The following USH1C variants were observed in gnomAD, a reference collection of about 807,000 sequenced individuals.
USH1C encodes the protein USH1 protein network component harmonin.
USH1C carries 90 observed loss-of-function variants against 119.3 expected under a neutral mutation model. The observed-to-expected ratio is 0.75, with a 90% CI of 0.64 to 0.90. USH1C has a LOEUF of 0.90. Among genes scored for constraint, USH1C ranks in the 40% least tolerant of loss-of-function variants. USH1C has a pLI of 0.00. For missense variants in USH1C, 1,165 were observed against 1,167.7 expected, an observed-to-expected ratio of 1.00 and a Z score of 0.03; for synonymous variants, 465 against 443.3, an observed-to-expected ratio of 1.05 and a Z score of -0.62.
At chr11:17,500,902 G>A (rs1849410868) in intron 23 of USH1C, 149 bp downstream of exon 23, 2 of 721,840 alleles carry the variant, frequency 2.8e-6, no homozygotes, top group East Asian at 2.7e-5. Context: ...CCAGGGATTG[G>A]ACAGGCAGTC....
In USH1C at chr11:17,509,714, T is replaced by A. The variant is rs1409646156; in HGVS notation, c.1655A>T (p.Tyr552Phe). 6.3e-7 allele frequency: 1 copy of A among 1,599,928 alleles called. No homozygotes were observed. Among genetic ancestry groups the A allele is most frequent in the Non-Finnish European group, 8.5e-7 (1 of 1,179,318 alleles). ...GGCAGAGGGAGTCTTGGGGGGATAG[T>A]AGAACATGTCCAAAGGGATGTCGTC... is the stretch of plus-strand genomic sequence containing the variant. ...DLDDIPLDMF[Y>F]YPPKTPSALP... Residue 552 changes from tyrosine (Y) to phenylalanine (F), a missense_variant, in exon 18 of 27, where the codon TAC (tyrosine) becomes TTC (phenylalanine). By Grantham distance (22) the Tyr-to-Phe change is conservative. Coordinates refer to ENST00000005226, the MANE Select transcript of USH1C (RefSeq NM_153676.4).
rs112069683 is a variant in USH1C, at chr11:17,530,981, G to A, written c.387+173C>T. On this transcript the variant is annotated intron_variant, in intron 4 of 26. Coordinates refer to ENST00000005226, the MANE Select transcript of USH1C (RefSeq NM_153676.4). ...CTCAAGAAAACAGGCAATTGCCTGC[G>A]GCCTGATTTCTATGAGCCTAAGAAC... Among the ~76,000 whole-genome samples the A allele has an allele frequency of 2.8e-3, 428 of 152,318 alleles. 3 individuals are homozygous for A. The highest frequency in any genetic ancestry group is 9.2e-3 in the African/African-American group (381 of 41,566).
At chr11:17,536,611 G>A (rs2133942617) in intron 1 of USH1C, among the ~76,000 whole-genome samples, 1 of 152,300 alleles carries the variant, frequency 6.6e-6, no homozygotes, top group East Asian at 1.9e-4. Context: ...TCCTGAGACA[G>A]CTGCAGAGCT....
At chr11:17,512,795 G>A (rs1849952222) in intron 15 of USH1C, among the ~76,000 whole-genome samples, 1 of 152,204 alleles carries the variant, frequency 6.6e-6, no homozygotes, top group South Asian at 2.1e-4. Context: ...GGACTGGGAG[G>A]CAGGGCATGG....
chr11:17,533,182 A>G, intron 2 of USH1C, 73 bp downstream of exon 2: 1 of 1,180,412 alleles, frequency 8.5e-7, no homozygotes, highest in Non-Finnish European at 1.3e-6. Context: ...CTGTCTCAGA[A>G]CAACCCATCC....
chr11:17,512,424 TG>T (rs1281795370), intron 15 of USH1C, among the ~76,000 whole-genome samples: 2 of 152,116 alleles, frequency 1.3e-5, no homozygotes, highest in East Asian at 3.8e-4. Context: ...GAAAGAACTT[TG>T]TAAAAGTTCT....
chr11:17,495,505 G>T (rs1849212171), intron 26 of USH1C, 64 bp downstream of exon 26: 2 of 1,502,176 alleles, frequency 1.3e-6, no homozygotes, highest in African/African-American at 1.4e-5. Flanking sequence ...GACAGCGTGG[G>T]CAGCAGATGG....
rs1374111954 is a variant in USH1C, at chr11:17,504,778, C to T, written c.2134-81G>A. The T allele has an allele frequency of 2.0e-6, 3 of 1,484,808 alleles. No homozygotes were observed. The African/African-American group carries it at 4.1e-5, about 20-fold the overall frequency. 92.0% of individuals were successfully genotyped at this position (1,484,808 alleles called of 1,614,324 possible). A position where few individuals can be genotyped will look rare whatever the true frequency, so the allele number is the denominator to read the frequency against. On this transcript the variant is annotated intron_variant, in intron 19 of 26. Transcript: ENST00000005226. ...TGCCCCCTGGTGCCAGGCTTCGGGC[C>T]TGCCAGTCTGGGGCTGCCGTGCCAA...
rs1849415459 is a variant in USH1C, at chr11:17,500,981, T to G, written c.2380+70A>C. 2.9e-6 allele frequency: 4 copies of G among 1,366,026 alleles called. No individual in the cohort carries two copies. The Admixed American group carries it at 7.4e-5, about 25-fold the overall frequency. The allele number at this position is 1,366,026 out of a possible 1,614,324, so 84.6% of individuals were successfully genotyped here. ...AGCCCACTCCAAGTGGTCACCTGTT[T>G]GCTTTCCGGGAGGGCCCCGTCTAAC... is the stretch of plus-strand genomic sequence containing the variant. On this transcript the variant is annotated intron_variant, in intron 23 of 26. Transcript: ENST00000005226.
At chr11:17,533,399 A>G in intron 1 of USH1C, 77 bp from the exon 2 acceptor site, 1 of 1,018,030 alleles carries the variant, frequency 9.8e-7, no homozygotes, top group Non-Finnish European at 1.5e-6. Context: ...AGGAGAGGTC[A>G]TCCCCAAGGG....
chr11:17,539,366 C>T (rs1211010712), intron 1 of USH1C, among the ~76,000 whole-genome samples: 1 of 152,216 alleles, frequency 6.6e-6, no homozygotes, highest in African/African-American at 2.4e-5. Context: ...CCTTCCCCAA[C>T]TGGGTCTGCT....
At chr11:17,524,813 TC>T (rs1208846509) in intron 8 of USH1C, among the ~76,000 whole-genome samples, 1 of 152,220 alleles carries the variant, frequency 6.6e-6, no homozygotes, top group Non-Finnish European at 1.5e-5. Flanking sequence ...TCAAATGCTA[TC>T]CCTTCTATAA....
chr11:17,534,332 G>A lies in USH1C; in HGVS notation c.37-1010C>T, dbSNP rs557398004. On this transcript the variant is annotated intron_variant, in intron 1 of 26. Coordinates refer to ENST00000005226, the MANE Select transcript of USH1C (RefSeq NM_153676.4). Reference sequence around the variant, plus strand: ...TCTGGAAGACCGGGGCAGTCTGTCCGTCCCACCACAGAGGGGACATGCTGG... The same window carrying A: ...TCTGGAAGACCGGGGCAGTCTGTCCATCCCACCACAGAGGGGACATGCTGG... Among the ~76,000 whole-genome samples the A allele has an allele frequency of 8.3e-4, 127 of 152,328 alleles. 1 individual carries two copies. The highest frequency in any genetic ancestry group is 1.0e-3 in the South Asian group (5 of 4,830).
At chr11:17,503,286 C>A (rs1849518380) in intron 20 of USH1C, among the ~76,000 whole-genome samples, 1 of 152,220 alleles carries the variant, frequency 6.6e-6, no homozygotes, top group African/African-American at 2.4e-5. Context: ...CCTACTCCGG[C>A]TGTTTCTCCT....
chr11:17,539,833 C>CTTTTTTTTTTTTTTTTTTTTTT (rs34881002), intron 1 of USH1C, among the ~76,000 whole-genome samples: 1 of 126,202 alleles, frequency 7.9e-6, no homozygotes, highest in Non-Finnish European at 1.6e-5. Context: ...CTTTCTTTTT[C>CTTTTTTTTTTTTTTTTTTTTTT]TTTTTTTTTT....
In USH1C at chr11:17,525,774, A is replaced by G. The variant is rs1850640500; in HGVS notation, c.674+573T>C. ...AACAGGCTCCTTTTGCAGTGACTCA[A>G]GGGCCCACAAGGTAACACTGTTCTG... On this transcript the variant is annotated intron_variant, in intron 8 of 26. Transcript: ENST00000005226. Among the ~76,000 whole-genome samples, 5 of 152,352 alleles carry G rather than the reference A, an allele frequency of 3.3e-5. No individual in the cohort carries two copies. In the South Asian group the frequency reaches 8.3e-4, roughly 25 times the overall value.
At chr11:17,518,944 C>T (rs1331125678) in intron 14 of USH1C, among the ~76,000 whole-genome samples, 1 of 152,040 alleles carries the variant, frequency 6.6e-6, no homozygotes, top group Non-Finnish European at 1.5e-5. Context: ...TTGCTTGAAC[C>T]CAGGAGGCGG....
Position 17,511,912 on chromosome 11 carries a change from A to G in USH1C, c.1403T>C (p.Leu468Pro), listed in dbSNP as rs761011557. Residue 468 changes from leucine to proline, a missense_variant, in exon 16 of 27, where the codon CTG becomes CCG. Leu to Pro is a moderately conservative substitution (Grantham distance 98, BLOSUM62 -3). Coordinates refer to ENST00000005226, the MANE Select transcript of USH1C (RefSeq NM_153676.4). ...AGGCAGGACACATACCTCCTGGGCC[A>G]GCCGGTTGATCTTTAGCTGCTTTTC... Reference protein sequence around the residue: ...EKEKQLKINRLAQEVSETERE... With the variant: ...EKEKQLKINRPAQEVSETERE... 23 of 1,613,696 alleles carry G rather than the reference A, an allele frequency of 1.4e-5. No homozygotes were observed. Among genetic ancestry groups the G allele is most frequent in the Non-Finnish European group, 1.9e-5 (22 of 1,179,948 alleles).
chr11:17,510,475 T>A lies in USH1C; in HGVS notation c.1460A>T (p.Gln487Leu). The A allele has an allele frequency of 6.2e-7, 1 of 1,613,858 alleles. No individual in the cohort carries two copies. Among genetic ancestry groups the A allele is most frequent in the South Asian group, 1.1e-5 (1 of 91,022 alleles). Reference sequence around the variant, plus strand: ...TTGACAGAGCCTCTCCACCCAATATTGAATCTTTTCCGATTCTTCAAGGTC... The same window carrying A: ...TTGACAGAGCCTCTCCACCCAATATAGAATCTTTTCCGATTCTTCAAGGTC... ...REDLEESEKI[Q>L]YWVERLCQTR... Residue 487 changes from glutamine to leucine, a missense_variant, in exon 17 of 27, where the codon CAA becomes CTA. Coordinates refer to ENST00000005226, the MANE Select transcript of USH1C (RefSeq NM_153676.4).
Sources: gnomAD v4.1 joint callset for allele counts (sites outside exome capture counted in the v4.1 genomes callset) on GRCh38, gnomAD v4.1.1 for gene constraint, MANE v1.5 for transcripts, NCBI Gene and HGNC (gene_info 2026-07-23, HGNC 2026-07-21) for gene names.